The following DPP6 variants were observed in gnomAD, a reference collection of about 807,000 sequenced individuals.
The protein encoded by DPP6 is dipeptidyl peptidase like 6.
Under a neutral mutation model 122.6 loss-of-function variants are expected in DPP6, and 69 were observed. The observed-to-expected ratio is 0.56, with a 90% CI of 0.46 to 0.69. The LOEUF is 0.69. Ranked by LOEUF, DPP6 falls within the 30% of genes least tolerant of loss-of-function variation. The probability of loss-of-function intolerance (pLI) is 0.00; values close to 1 mark genes in which losing one functional copy is unlikely to be tolerated. For missense variants in DPP6, 928 were observed against 1,116.9 expected (o/e 0.83, Z 2.41); for synonymous variants, 418 against 433.1 (o/e 0.97, Z 0.43).
At chr7:154,117,741 T>C (rs1807098188) in intron 1 of DPP6, among the ~76,000 whole-genome samples, 1 of 151,600 alleles carries the variant, frequency 6.6e-6, no homozygotes, top group African/African-American at 2.4e-5. Context: ...AAATCTGATG[T>C]GCCCAGTGGT....
intron 18 of DPP6, among the ~76,000 whole-genome samples, chr7:154,870,166 G>GTTTTAA: frequency 8.5e-6 from 1 of 117,012 alleles, no homozygotes; most frequent in East Asian, 2.3e-4. Flanking sequence ...TTTTTTTTTC[G>GTTTTAA]TAGAGACAGG....
intron 6 of DPP6, among the ~76,000 whole-genome samples, chr7:154,646,592 G>A (rs1045215733): frequency 6.6e-6 from 1 of 152,258 alleles, no homozygotes; most frequent in Non-Finnish European, 1.5e-5. Flanking sequence ...TTGTTAGATG[G>A]CTACTTCCAT....
At chr7:153,918,455 C>T (rs1800426355) in intron 1 of DPP6, among the ~76,000 whole-genome samples, 1 of 138,584 alleles carries the variant, frequency 7.2e-6, no homozygotes, top group Admixed American at 7.4e-5. Flanking sequence ...CACACACACA[C>T]ACACACACAC....
the DPP6 span, among the ~76,000 whole-genome samples, chr7:153,847,658 C>T: frequency 2.6e-5 from 4 of 152,134 alleles, no homozygotes; most frequent in African/African-American, 9.7e-5. Flanking sequence ...AGAATTTTAG[C>T]AGACACTCCA....
At position 154,017,099 on chromosome 7, in the gene DPP6, A is replaced by C. The variant is rs191483238; in HGVS notation, c.51+129365A>C. On this transcript the variant is annotated intron_variant, in intron 1 of 25. Transcript: ENST00000404039. ...TATGTTTTTTTTGAGACAGGGTCTC[A>C]CTCTGTCACCTAGGTGGGAGTGAAG... 5.9e-5 allele frequency among the ~76,000 whole-genome samples: 9 copies of C among 152,218 alleles called. No homozygotes were observed. In the East Asian group the frequency reaches 1.7e-3, roughly 29 times the overall value.
chr7:153,836,371 G>A, the DPP6 span, among the ~76,000 whole-genome samples: 1 of 152,094 alleles, frequency 6.6e-6, no homozygotes, highest in South Asian at 2.1e-4. Flanking sequence ...GAAGAAGAGT[G>A]CATCCCAGAC....
chr7:154,061,209 G>A (rs11768863), intron 1 of DPP6, among the ~76,000 whole-genome samples: 14,056 of 147,336 alleles, frequency 0.095, 18 homozygotes, highest in Admixed American at 0.17. Context: ...CCAAGCCTTT[G>A]TATGAGGTCA....
intron 1 of DPP6, among the ~76,000 whole-genome samples, chr7:154,242,623 T>G (rs1801697557): frequency 1.3e-5 from 2 of 152,182 alleles, no homozygotes; most frequent in African/African-American, 4.8e-5. Flanking sequence ...GAGGCTCAGT[T>G]TGCCCCAGTG....
chr7:154,721,197 C>T (rs186514586), intron 7 of DPP6, among the ~76,000 whole-genome samples: 15 of 152,310 alleles, frequency 9.8e-5, no homozygotes, highest in South Asian at 4.1e-4. Context: ...AGTTGCAACA[C>T]GCTGTAATTA....
chr7:154,597,609 T>TTA lies in DPP6; in HGVS notation c.627+30693_627+30694insTA, dbSNP rs71184010. 5.0e-3 allele frequency among the ~76,000 whole-genome samples: 731 copies of TTA among 147,522 alleles called. 4 individuals are homozygous for TTA. The highest frequency in any genetic ancestry group is 0.012 in the African/African-American group (469 of 40,114). On this transcript the variant is annotated intron_variant, in intron 5 of 25. Transcript: ENST00000377770. Reference sequence around the variant, plus strand: ...GCCCGGGAGACAGAGTGAGACTCCATAAAAAAAAAAAAATTGAGTAGTATA... The same window carrying TTA: ...GCCCGGGAGACAGAGTGAGACTCCATTAAAAAAAAAAAAAATTGAGTAGTATA...
chr7:154,140,771 G>C (rs11982931), intron 1 of DPP6, among the ~76,000 whole-genome samples: 1 of 152,130 alleles, frequency 6.6e-6, no homozygotes, highest in Non-Finnish European at 1.5e-5. Flanking sequence ...TAATAACACA[G>C]TGATTAACCA....
intron 3 of DPP6, among the ~76,000 whole-genome samples, chr7:154,534,567 CTT>C (rs1828087803): frequency 6.6e-6 from 1 of 150,982 alleles, no homozygotes; most frequent in African/African-American, 2.5e-5. Context: ...ACAAAATTAA[CTT>C]TATAATTACA....
At chr7:154,174,022 C>T (rs1317095323) in intron 1 of DPP6, among the ~76,000 whole-genome samples, 2 of 152,210 alleles carry the variant, frequency 1.3e-5, no homozygotes, top group Admixed American at 6.5e-5. Context: ...GGACCAGTTT[C>T]CCCCACGTGC....
In DPP6 at chr7:154,433,842, A is replaced by G. The variant is rs1239074413; in HGVS notation, c.244-12372A>G. On this transcript the variant is annotated intron_variant, in intron 1 of 25. Transcript: ENST00000377770. The stretch of plus-strand genomic sequence containing the variant: ...GTTTCCTTACAGGTCCAACTTTCCA[A>G]CAAAATCATCACTGTTTGCTTTCCT... Among the ~76,000 whole-genome samples the G allele has an allele frequency of 3.9e-5, 6 of 152,278 alleles. No homozygotes were observed. In the East Asian group the frequency reaches 9.7e-4, roughly 25 times the overall value.
chr7:154,466,421 T>C (rs1272128799), intron 2 of DPP6, among the ~76,000 whole-genome samples: 3 of 152,204 alleles, frequency 2.0e-5, no homozygotes, highest in Non-Finnish European at 4.4e-5. Context: ...AAGATCAAGG[T>C]GTCAGCAGGG....
At chr7:154,659,038 G>A (rs1352291495) in intron 6 of DPP6, among the ~76,000 whole-genome samples, 6 of 152,202 alleles carry the variant, frequency 3.9e-5, no homozygotes, top group African/African-American at 9.7e-5. Flanking sequence ...ATCCAAAAGG[G>A]AATTCCCACA....
chr7:154,474,699 A>G (rs898697881), intron 2 of DPP6, among the ~76,000 whole-genome samples: 2 of 152,156 alleles, frequency 1.3e-5, no homozygotes, highest in East Asian at 3.9e-4. Context: ...GATCACTTAC[A>G]TGCTGCAGGT....
intron 5 of DPP6, among the ~76,000 whole-genome samples, chr7:154,597,350 TC>T (rs1387122116): frequency 6.6e-6 from 1 of 152,030 alleles, no homozygotes; most frequent in African/African-American, 2.4e-5. Context: ...ATGCCTGTAA[TC>T]CCAGCACTTT....
chr7:154,679,041 G>A (rs1020099324), intron 7 of DPP6, among the ~76,000 whole-genome samples: 1 of 152,188 alleles, frequency 6.6e-6, no homozygotes, highest in Non-Finnish European at 1.5e-5. Flanking sequence ...TGGAAGTCTG[G>A]TGTGTGTCAG....
Sources: allele counts gnomAD v4.1 joint callset (sites outside exome capture counted in the v4.1 genomes callset), GRCh38; gene constraint gnomAD v4.1.1; transcripts MANE v1.5; gene names NCBI Gene and HGNC (gene_info 2026-07-23, HGNC 2026-07-21).